The following ABCA13 variants were observed in gnomAD, a reference collection of about 807,000 sequenced individuals.
ABCA13 encodes the protein ATP-binding cassette sub-family A member 13.
A neutral mutation model predicts 478.7 loss-of-function variants in ABCA13; 476 were observed. That is an observed-to-expected ratio of 0.99 (90% CI 0.92 to 1.07). ABCA13 has a LOEUF of 1.07. Among genes scored for constraint, ABCA13 ranks in the 50% least tolerant of loss-of-function variants. The probability of loss-of-function intolerance (pLI) is 0.00; values close to 1 mark genes in which losing one functional copy is unlikely to be tolerated. For missense variants in ABCA13, 6,060 were observed against 5,910.6 expected (o/e 1.03, Z -0.83); for synonymous variants, 2,252 against 2,158.9 (o/e 1.04, Z -1.20).
At chr7:48,511,586 C>T (rs1385888061) in intron 51 of ABCA13, among the ~76,000 whole-genome samples, 3 of 152,154 alleles carry the variant, frequency 2.0e-5, no homozygotes, top group Admixed American at 2.0e-4. Context: ...ATTTTTTCTC[C>T]TCTCCTCTAA....
intron 31 of ABCA13, among the ~76,000 whole-genome samples, chr7:48,353,094 G>A (rs1399822116): frequency 6.6e-6 from 1 of 151,852 alleles, no homozygotes; most frequent in Admixed American, 6.5e-5. Context: ...CCAGGCAGGG[G>A]ATGTTTGCAG....
At chr7:48,484,915 T>A (rs1471835473) in intron 47 of ABCA13, among the ~76,000 whole-genome samples, 1 of 152,234 alleles carries the variant, frequency 6.6e-6, no homozygotes, top group African/African-American at 2.4e-5. Flanking sequence ...CTTTCTGTAA[T>A]GACCGGCTTT....
intron 5 of ABCA13, among the ~76,000 whole-genome samples, chr7:48,225,020 C>T (rs745813278): frequency 1.3e-5 from 2 of 152,056 alleles, no homozygotes; most frequent in South Asian, 2.1e-4. Flanking sequence ...AATGCTCTGT[C>T]GTTGAGCTTC....
intron 41 of ABCA13, among the ~76,000 whole-genome samples, chr7:48,419,600 C>T (rs1389909269): frequency 6.6e-6 from 1 of 152,034 alleles, no homozygotes; most frequent in African/African-American, 2.4e-5. Context: ...TGTTAGTCAC[C>T]CCAGAACAGC....
At chr7:48,307,665 A>C (rs1435846980) in intron 23 of ABCA13, among the ~76,000 whole-genome samples, 1 of 152,098 alleles carries the variant, frequency 6.6e-6, no homozygotes, top group Non-Finnish European at 1.5e-5. Context: ...AACTTTTTTT[A>C]CTTTATAAAC....
At chr7:48,220,343 G>C (rs1046812033) in intron 4 of ABCA13, among the ~76,000 whole-genome samples, 11 of 152,126 alleles carry the variant, frequency 7.2e-5, no homozygotes, top group Non-Finnish European at 1.0e-4. Flanking sequence ...TGTCCCAAGT[G>C]TTACATACTT....
chr7:48,559,016 A>G (rs545636462), intron 55 of ABCA13, among the ~76,000 whole-genome samples: 1 of 152,156 alleles, frequency 6.6e-6, no homozygotes, highest in South Asian at 2.1e-4. Context: ...TAACTACCTA[A>G]CATAACCACT....
chr7:48,201,290 G>T (rs1798668846), intron 3 of ABCA13, among the ~76,000 whole-genome samples: 1 of 152,196 alleles, frequency 6.6e-6, no homozygotes, highest in African/African-American at 2.4e-5. Context: ...TTCAGGAGGA[G>T]CCAAGATGTT....
chr7:48,371,477 T>C (rs1812624382), intron 32 of ABCA13, among the ~76,000 whole-genome samples: 1 of 152,198 alleles, frequency 6.6e-6, no homozygotes, highest in African/African-American at 2.4e-5. Flanking sequence ...TTTGTAGTTC[T>C]CCTTGTAGAG....
At chr7:48,308,487 T>C (rs1162819720) in intron 23 of ABCA13, among the ~76,000 whole-genome samples, 21 of 152,186 alleles carry the variant, frequency 1.4e-4, no homozygotes, top group Non-Finnish European at 3.1e-4. Flanking sequence ...TGTGATACTT[T>C]TGCTATGAAT....
At chr7:48,420,792 A>G (rs1342290461) in intron 41 of ABCA13, among the ~76,000 whole-genome samples, 1 of 151,498 alleles carries the variant, frequency 6.6e-6, no homozygotes, top group Non-Finnish European at 1.5e-5. Flanking sequence ...TTGCTGTAAA[A>G]TCTTTGCCCA....
chr7:48,497,637 G>C (rs1267187946), intron 48 of ABCA13, among the ~76,000 whole-genome samples: 1 of 152,186 alleles, frequency 6.6e-6, no homozygotes, highest in Non-Finnish European at 1.5e-5. Context: ...CTAGGCAAAG[G>C]TAGAGAACTG....
chr7:48,486,007 G>A (rs1322677994), intron 47 of ABCA13, among the ~76,000 whole-genome samples: 2 of 152,134 alleles, frequency 1.3e-5, no homozygotes, highest in Non-Finnish European at 2.9e-5. Flanking sequence ...GGTTCTTAGA[G>A]CTATTTACAT....
At chr7:48,445,841 T>C (rs1019587489) in intron 42 of ABCA13, among the ~76,000 whole-genome samples, 2 of 152,058 alleles carry the variant, frequency 1.3e-5, no homozygotes, top group Non-Finnish European at 2.9e-5. Context: ...GGAATATAGG[T>C]TTCTTGCCTG....
At chr7:48,471,688 G>A (rs971038271) in intron 45 of ABCA13, 89 bp downstream of exon 45, 2 of 1,244,076 alleles carry the variant, frequency 1.6e-6, no homozygotes, top group Middle Eastern at 1.9e-4. Flanking sequence ...TTTCATATTT[G>A]TAACTGTGTC....
At chr7:48,552,575 G>T (rs1170170090) in intron 55 of ABCA13, among the ~76,000 whole-genome samples, 1 of 144,668 alleles carries the variant, frequency 6.9e-6, no homozygotes, top group East Asian at 2.0e-4. Context: ...TAGGAGCATT[G>T]TTCCTCACCT....
At chr7:48,218,300 TAGC>T (rs1323034061) in intron 3 of ABCA13, among the ~76,000 whole-genome samples, 1 of 152,220 alleles carries the variant, frequency 6.6e-6, no homozygotes, top group Non-Finnish European at 1.5e-5. Context: ...AGGTCATTTT[TAGC>T]CTTTAATATG....
intron 58 of ABCA13, among the ~76,000 whole-genome samples, chr7:48,597,119 T>C (rs1220953258): frequency 5.9e-5 from 9 of 151,894 alleles, no homozygotes; most frequent in Admixed American, 5.9e-4. Flanking sequence ...GCCTGGCTAA[T>C]TTTTTGTATT....
intron 8 of ABCA13, among the ~76,000 whole-genome samples, chr7:48,237,695 A>T (rs2129006746): frequency 6.6e-6 from 1 of 152,286 alleles, no homozygotes; most frequent in East Asian, 1.9e-4. Flanking sequence ...CCTGCAAGAG[A>T]ATAGTCCTCC....
Sources: gnomAD v4.1 joint callset for allele counts (sites outside exome capture counted in the v4.1 genomes callset) on GRCh38, gnomAD v4.1.1 for gene constraint, MANE v1.5 for transcripts, NCBI Gene and HGNC (gene_info 2026-07-23, HGNC 2026-07-21) for gene names.